RPE65: variants seen among roughly 807,000 people sequenced by gnomAD.
RPE65 encodes retinoid isomerohydrolase RPE65.
A neutral mutation model predicts 68.5 loss-of-function variants in RPE65; 58 were observed. The ratio of observed to expected loss-of-function variants is 0.85; its 90% CI spans 0.69 to 1.05. The LOEUF (loss-of-function observed/expected upper bound fraction) is 1.05, where lower values mean the gene tolerates loss of function less well. Among genes scored for constraint, RPE65 ranks in the 50% least tolerant of loss-of-function variants. RPE65 has a pLI of 0.00. For missense variants in RPE65, 643 were observed against 629.9 expected, an observed-to-expected ratio of 1.02 and a Z score of -0.22; for synonymous variants, 220 against 222.2, an observed-to-expected ratio of 0.99 and a Z score of 0.09.
chr1:68,449,917 T>C lies in RPE65; in HGVS notation c.-12A>G, dbSNP rs376173240. ...TACTGGATAGACATTTTCTTCCAGT[T>C]CAGGATCCAGAGTTCTGGCACCAAC... On this transcript the variant is annotated 5_prime_UTR_variant, in exon 1 of 14. Coordinates refer to ENST00000262340, the MANE Select transcript of RPE65 (RefSeq NM_000329.3). 1 of 1,614,086 alleles carries C rather than the reference T, an allele frequency of 6.2e-7. No individual in the cohort carries two copies. Among genetic ancestry groups the C allele is most frequent in the Non-Finnish European group, 8.5e-7 (1 of 1,180,022 alleles).
intron 10 of RPE65, among the ~76,000 whole-genome samples, chr1:68,434,729 G>T (rs1555845): frequency 0.18 from 26,566 of 151,790 alleles, 2,441 homozygotes; most frequent in Admixed American, 0.23. Context: ...CTGTTTGTTT[G>T]TTTGTTTGTT....
At chr1:68,435,443 T>C in intron 10 of RPE65, among the ~76,000 whole-genome samples, 1 of 152,208 alleles carries the variant, frequency 6.6e-6, no homozygotes, top group East Asian at 1.9e-4. Context: ...CCATTAATTA[T>C]GGGCTTTTCT....
rs1375499903 is a variant in RPE65 at position 68,444,386 on chromosome 1, T to A, written c.495+145A>T. On this transcript the variant is annotated intron_variant, in intron 5 of 13. Transcript: ENST00000262340. ...AAGCATCATAGACAGAGGCAATCAG[T>A]GCAGTCCATTTGGAGCTTGGAATGG... 6 of 1,017,366 alleles carry A rather than the reference T, an allele frequency of 5.9e-6. No homozygotes were observed. The African/African-American group carries it at 9.5e-5, about 16-fold the overall frequency. The allele number at this position is 1,017,366 out of a possible 1,614,324, so 63.0% of individuals were successfully genotyped here. A position where few individuals can be genotyped will look rare whatever the true frequency, so the allele number is the denominator to read the frequency against.
At position 68,429,057 on chromosome 1, in the gene RPE65, T is replaced by A. The variant is rs910994901; in HGVS notation, c.*719A>T. 6 of 152,152 alleles carry A rather than the reference T, an allele frequency of 3.9e-5. No individual in the cohort carries two copies. The highest frequency in any genetic ancestry group is 1.4e-4 in the African/African-American group (6 of 41,460). 9.4% of individuals were successfully genotyped at this position (152,152 alleles called of 1,614,324 possible). On this transcript the variant is annotated 3_prime_UTR_variant, in exon 14 of 14. Transcript: ENST00000262340. Reference sequence around the variant, plus strand: ...TTTTAAGCATTTTATGCTGTTTTTTTAAATATAGTCACTACTATATGTACT... The same window carrying A: ...TTTTAAGCATTTTATGCTGTTTTTTAAAATATAGTCACTACTATATGTACT...
chr1:68,431,018 G>T, intron 13 of RPE65, 47 bp downstream of exon 13: 1 of 1,454,488 alleles, frequency 6.9e-7, no homozygotes, highest in South Asian at 1.1e-5. Flanking sequence ...CTAACATACA[G>T]AACTGCAGTA....
At chr1:68,440,735 G>T in intron 6 of RPE65, 118 bp downstream of exon 6, 1 of 1,318,898 alleles carries the variant, frequency 7.6e-7, no homozygotes, top group Non-Finnish European at 1.1e-6. Flanking sequence ...TCTGAAGTCT[G>T]AGAGTAATTT....
intron 10 of RPE65, among the ~76,000 whole-genome samples, chr1:68,437,454 T>G (rs1314742783): frequency 2.0e-5 from 3 of 152,354 alleles, no homozygotes; most frequent in Admixed American, 1.3e-4. Flanking sequence ...GAGTTTATTT[T>G]CTACTACACC....
intron 6 of RPE65, among the ~76,000 whole-genome samples, chr1:68,439,936 G>C (rs1645888132): frequency 6.6e-6 from 1 of 152,086 alleles, no homozygotes; most frequent in South Asian, 2.1e-4. Flanking sequence ...TTAAGTCAGG[G>C]GAGTAGGGAA....
chr1:68,443,046 C>T (rs1645914319), intron 5 of RPE65, among the ~76,000 whole-genome samples: 1 of 152,120 alleles, frequency 6.6e-6, no homozygotes, highest in Non-Finnish European at 1.5e-5. Flanking sequence ...CCCGTACAGC[C>T]CACACATGGC....
At position 68,431,393 on chromosome 1, in the gene RPE65, A is replaced by G. The variant is rs528268427; in HGVS notation, c.1244-17T>C. The G allele has an allele frequency of 1.2e-6, 2 of 1,613,382 alleles. No homozygotes were observed. Among genetic ancestry groups the G allele is most frequent in the South Asian group, 1.1e-5 (1 of 91,050 alleles). ...ACTCAAATGCTACGAAATAGAGCAC[A>G]TGCTTAGGAAAACTCTTAATCTCTT... On this transcript the variant is annotated splice_polypyrimidine_tract_variant and intron_variant, in intron 11 of 13. Transcript: ENST00000262340.
At chr1:68,431,697 G>C in intron 10 of RPE65, 112 bp from the exon 11 acceptor site, 5 of 863,618 alleles carry the variant, frequency 5.8e-6, no homozygotes, top group South Asian at 4.3e-5. Flanking sequence ...AACATGCAGG[G>C]AGGAACTGCA....
intron 3 of RPE65, 56 bp from the exon 4 acceptor site, chr1:68,444,939 A>G (rs1645931609): frequency 1.3e-6 from 2 of 1,483,708 alleles, no homozygotes; most frequent in East Asian, 2.3e-5. Context: ...CGTACAGCCC[A>G]TGTGGAGCTT....
At chr1:68,439,355 A>G (rs1274753651) in intron 7 of RPE65, 32 bp from the exon 8 acceptor site, 5 of 1,611,508 alleles carry the variant, frequency 3.1e-6, no homozygotes, top group Non-Finnish European at 4.2e-6. Context: ...CTTGTGAATG[A>G]AAGGGCTGAT....
chr1:68,440,859 G>A lies in RPE65; in HGVS notation c.637C>T (p.Gln213Ter), dbSNP rs777966849. 3 of 1,613,960 alleles carry A rather than the reference G, an allele frequency of 1.9e-6. No homozygotes were observed. Among genetic ancestry groups the A allele is most frequent in the Non-Finnish European group, 2.5e-6 (3 of 1,179,848 alleles). The change falls in exon 6 of 14, where the codon CAA becomes TAA. Residue 213 changes from glutamine (Q) to a stop codon, truncating the protein, a stop_gained. Transcript: ENST00000262340. LOFTEE classifies it high-confidence loss of function. ...AYNIVKIPPL[Q>*]ADKEDPISKS... is the part of the protein sequence containing the mutation. ...GACAGATTGGTAAACTCACCTGCTT[G>A]CAGTGGTGGGATCTTTACAATGTTG... is the stretch of plus-strand genomic sequence containing the variant.
intron 2 of RPE65, among the ~76,000 whole-genome samples, chr1:68,447,865 C>A (rs572602017): frequency 3.8e-4 from 57 of 151,762 alleles, no homozygotes; most frequent in African/African-American, 1.4e-3. Flanking sequence ...ACAAAACAAA[C>A]AAACAAACAA....
Position 68,445,480 on chromosome 1 carries a change from C to G in RPE65, c.246-597G>C, listed in dbSNP as rs116387471. Among the ~76,000 whole-genome samples the G allele has an allele frequency of 6.2e-4, 94 of 152,002 alleles. 2 individuals are homozygous for G. The highest frequency in any genetic ancestry group is 2.0e-3 in the African/African-American group (84 of 41,442). On this transcript the variant is annotated intron_variant, in intron 3 of 13. Transcript: ENST00000262340. Reference sequence around the variant, plus strand: ...TGCCCAGGATTTCTGATATGGAGAGCCAGTTAAAATCTGATTTTGTACTTT... The same window carrying G: ...TGCCCAGGATTTCTGATATGGAGAGGCAGTTAAAATCTGATTTTGTACTTT...
At chr1:68,448,795 T>A in intron 1 of RPE65, 89 bp from the exon 2 acceptor site, 1 of 947,768 alleles carries the variant, frequency 1.1e-6, no homozygotes, top group Non-Finnish European at 1.5e-6. Context: ...GAAGGCACTC[T>A]AGGGCTGGCT....
chr1:68,447,344 TTAA>T (rs772275882), intron 2 of RPE65, among the ~76,000 whole-genome samples: 5 of 152,152 alleles, frequency 3.3e-5, no homozygotes, highest in Admixed American at 6.5e-5. Context: ...TCCTGGCTCT[TTAA>T]AATCTAGAGC....
intron 10 of RPE65, among the ~76,000 whole-genome samples, chr1:68,436,642 G>A (rs1645865240): frequency 6.6e-6 from 1 of 151,678 alleles, no homozygotes; most frequent in South Asian, 2.1e-4. Flanking sequence ...CTAATTTTGT[G>A]TTTTTAGTAA....
Sources: allele counts gnomAD v4.1 joint callset (sites outside exome capture counted in the v4.1 genomes callset), GRCh38; gene constraint gnomAD v4.1.1; transcripts MANE v1.5; gene names NCBI Gene and HGNC (gene_info 2026-07-23, HGNC 2026-07-21).